The following TSBP1 variants were observed in gnomAD, a reference collection of about 807,000 sequenced individuals.
TSBP1 encodes the protein testis-expressed basic protein 1.
TSBP1 carries 56 observed loss-of-function variants against 68.8 expected under a neutral mutation model. That is an observed-to-expected ratio of 0.81 (90% CI 0.66 to 1.02). The LOEUF is 1.02. Among genes scored for constraint, TSBP1 ranks in the 50% least tolerant of loss-of-function variants. The pLI is 0.00. For missense variants in TSBP1, 502 were observed against 641.2 expected (o/e 0.78, Z 2.34); for synonymous variants, 171 against 208.7 (o/e 0.82, Z 1.56).
Position 32,340,237 on chromosome 6 carries a change from C to G in TSBP1, c.350-599G>C, listed in dbSNP as rs183411556. On this transcript the variant is annotated intron_variant, in intron 9 of 22. Coordinates refer to ENST00000612031, the Ensembl canonical transcript of TSBP1. The surrounding 1 kb of genome is among the most constrained non-coding windows in gnomAD (Gnocchi z 4.8). ...CTGTTGCTTCTGTCTTGAGAAATAA[C>G]CAATCATATTTTAAGATGTTGAAAA... 4.8e-4 allele frequency among the ~76,000 whole-genome samples: 73 copies of G among 152,190 alleles called. 3 individuals are homozygous for G. The East Asian group carries it at 9.6e-3, about 20-fold the overall frequency.
At chr6:32,358,928 A>G (rs1472252041) in intron 6 of TSBP1, among the ~76,000 whole-genome samples, 1 of 150,710 alleles carries the variant, frequency 6.6e-6, no homozygotes, top group Non-Finnish European at 1.5e-5. Context: ...TATTATTATT[A>G]TTATTATACT....
chr6:32,371,057 C>T (rs1272762534), intron 1 of TSBP1, among the ~76,000 whole-genome samples: 1 of 152,162 alleles, frequency 6.6e-6, no homozygotes, highest in Non-Finnish European at 1.5e-5. Context: ...CATTTGTCTA[C>T]TGAGTCTTCT....
chr6:32,310,762 T>TATATATATATATATA (rs1554188790), intron 19 of TSBP1, among the ~76,000 whole-genome samples: 64 of 95,438 alleles, frequency 6.7e-4, no homozygotes, highest in African/African-American at 2.2e-3. Flanking sequence ...TATATATATA[T>TATATATATATATATA]TTTTAATCTT....
At chr6:32,308,892 T>TA (rs999510554) in intron 19 of TSBP1, among the ~76,000 whole-genome samples, 2 of 151,976 alleles carry the variant, frequency 1.3e-5, no homozygotes, top group Non-Finnish European at 2.9e-5. Context: ...GCTTTAGGTC[T>TA]ACTCATTTTA....
Position 32,361,843 on chromosome 6 carries a change from C to G in TSBP1, c.217+4324G>C, listed in dbSNP as rs373667205. 6.6e-6 allele frequency among the ~76,000 whole-genome samples: 1 copy of G among 152,064 alleles called. No individual in the cohort carries two copies. Among genetic ancestry groups the G allele is most frequent in the South Asian group, 2.1e-4 (1 of 4,812 alleles). On this transcript the variant is annotated intron_variant, in intron 6 of 22. Transcript: ENST00000612031. The surrounding 1 kb of genome is among the most constrained non-coding windows in gnomAD (Gnocchi z 4.3). ...ATTACTGTGGTTTTAATGTCCTCTC[C>G]GAAACTCATGTTGAAACTTAATCCT...
intron 6 of TSBP1, among the ~76,000 whole-genome samples, chr6:32,362,816 A>G (rs1037332933): frequency 6.6e-6 from 1 of 152,216 alleles, no homozygotes; most frequent in Admixed American, 6.5e-5. Flanking sequence ...ATCTTTGTGT[A>G]TGGTATATGA....
At position 32,316,337 on chromosome 6, in the gene TSBP1, A is replaced by G; in HGVS notation, c.560-545T>C. 7.2e-7 allele frequency: 1 copy of G among 1,392,624 alleles called. No homozygotes were observed. Among genetic ancestry groups the G allele is most frequent in the South Asian group, 1.2e-5 (1 of 81,030 alleles). The allele number at this position is 1,392,624 out of a possible 1,614,324, so 86.3% of individuals were successfully genotyped here. Reference sequence around the variant, plus strand: ...TGGGAACCACAAATCACTTTGACAGAAGTGAAGTGAAGGGGACCAAAGAGA... The same window carrying G: ...TGGGAACCACAAATCACTTTGACAGGAGTGAAGTGAAGGGGACCAAAGAGA... On this transcript the variant is annotated intron_variant, in intron 18 of 22. Coordinates refer to ENST00000612031, the Ensembl canonical transcript of TSBP1. This position sits in a 1 kb window ranked among gnomAD's most constrained non-coding sequence, Gnocchi z 4.5.
Position 32,316,243 on chromosome 6 carries a change from T to G in TSBP1, c.560-451A>C. 1 of 602,018 alleles carries G rather than the reference T, an allele frequency of 1.7e-6. No individual in the cohort carries two copies. Among genetic ancestry groups the G allele is most frequent in the Non-Finnish European group, 2.9e-6 (1 of 343,120 alleles). The allele number at this position is 602,018 out of a possible 1,614,324, so 37.3% of individuals were successfully genotyped here. A position where few individuals can be genotyped will look rare whatever the true frequency, so the allele number is the denominator to read the frequency against. On this transcript the variant is annotated intron_variant, in intron 18 of 22. Transcript: ENST00000612031. This position sits in a 1 kb window ranked among gnomAD's most constrained non-coding sequence, Gnocchi z 4.5. ...TGATGAATCCTAGCTTAGTCCCTCT[T>G]TTAATTAGTGTTTAAAAAGATTCTC... is the stretch of plus-strand genomic sequence containing the variant.
intron 18 of TSBP1, 37 bp downstream of exon 19, chr6:32,323,080 T>C (rs766796957): frequency 9.2e-6 from 14 of 1,526,602 alleles, no homozygotes; most frequent in South Asian, 1.2e-5. Context: ...AAGGGGACCA[T>C]AGAGAACCAA....
intron 6 of TSBP1, chr6:32,356,816 C>T (rs1772400155): frequency 6.5e-6 from 1 of 154,316 alleles, no homozygotes; most frequent in South Asian, 2.0e-4. Flanking sequence ...ATATGCTGCA[C>T]TTGAAATTTG....
Position 32,335,830 on chromosome 6 carries a change from C to T in TSBP1, c.451+82G>A. The T allele has an allele frequency of 8.7e-7, 1 of 1,150,408 alleles. No individual in the cohort carries two copies. Among genetic ancestry groups the T allele is most frequent in the Non-Finnish European group, 1.3e-6 (1 of 771,722 alleles). 71.3% of individuals were successfully genotyped at this position (1,150,408 alleles called of 1,614,324 possible). ...TGTGAACTCCAAACCCTTGAAATCC[C>T]AACATGGAAACCAGGTAGCGATCCC... On this transcript the variant is annotated intron_variant, in intron 13 of 22. Transcript: ENST00000612031. This position sits in a 1 kb window ranked among gnomAD's most constrained non-coding sequence, Gnocchi z 5.5.
chr6:32,366,059 A>ATTT (rs1261572860), intron 6 of TSBP1, 108 bp downstream of exon 6: 4 of 991,308 alleles, frequency 4.0e-6, no homozygotes, highest in Non-Finnish European at 4.2e-6. Context: ...AACTACTTTG[A>ATTT]TTTCTTCTTC....
chr6:32,324,353 T>C, intron 16 of TSBP1: 2 of 502,122 alleles, frequency 4.0e-6, no homozygotes, highest in South Asian at 3.8e-5. Flanking sequence ...TTTTTCCCTT[T>C]TTAAGGTAGT....
intron 4 of TSBP1, among the ~76,000 whole-genome samples, chr6:32,367,419 GCA>G (rs897503703): frequency 3.3e-5 from 5 of 152,026 alleles, no homozygotes; most frequent in Admixed American, 1.3e-4. Flanking sequence ...AGTAGACAGC[GCA>G]TTGCCGTCTT....
intron 18 of TSBP1, among the ~76,000 whole-genome samples, chr6:32,319,962 G>A (rs2982540): frequency 0.014 from 2,109 of 151,806 alleles, 35 homozygotes; most frequent in Admixed American, 0.032. Context: ...GACTTGTTCA[G>A]TGCTGTTAGG....
intron 19 of TSBP1, among the ~76,000 whole-genome samples, chr6:32,310,762 T>TATA (rs1554188790): frequency 1.0e-5 from 1 of 95,450 alleles, no homozygotes. Flanking sequence ...TATATATATA[T>TATA]TTTTAATCTT....
Position 32,315,628 on chromosome 6 carries a change from C to G in TSBP1, c.580+144G>C. 1 of 528,434 alleles carries G rather than the reference C, an allele frequency of 1.9e-6. No homozygotes were observed. Among genetic ancestry groups the G allele is most frequent in the Non-Finnish European group, 3.3e-6 (1 of 302,644 alleles). 32.7% of individuals were successfully genotyped at this position (528,434 alleles called of 1,614,324 possible). On this transcript the variant is annotated intron_variant, in intron 19 of 22. Coordinates refer to ENST00000612031, the Ensembl canonical transcript of TSBP1. This position sits in a 1 kb window ranked among gnomAD's most constrained non-coding sequence, Gnocchi z 5.4. ...TACAGTTATGAATCAAAAAGTTTGT[C>G]TTGCAGTCCTAATCTGGAGGACTTT...
At chr6:32,344,496 C>T (rs1409605162) in intron 9 of TSBP1, among the ~76,000 whole-genome samples, 1 of 151,860 alleles carries the variant, frequency 6.6e-6, no homozygotes, top group Non-Finnish European at 1.5e-5. Context: ...GACAAACAAG[C>T]GTTTATGGTA....
At position 32,338,783 on chromosome 6, in the gene TSBP1, G is replaced by A. The variant is rs966536485; in HGVS notation, c.409+196C>T. 6.6e-6 allele frequency among the ~76,000 whole-genome samples: 1 copy of A among 151,966 alleles called. No homozygotes were observed. The highest frequency in any genetic ancestry group is 2.4e-5 in the African/African-American group (1 of 41,346). The stretch of plus-strand genomic sequence containing the variant: ...CTTTGCTGTTGAATCTCAAGATTTC[G>A]GAAAAGTTAAAGGCAATAGTACTTT... On this transcript the variant is annotated intron_variant, in intron 11 of 22. Transcript: ENST00000612031. This position sits in a 1 kb window ranked among gnomAD's most constrained non-coding sequence, Gnocchi z 5.5.
Sources: gnomAD v4.1 joint callset for allele counts (sites outside exome capture counted in the v4.1 genomes callset) on GRCh38, gnomAD v4.1.1 for gene constraint, Gnocchi (gnomAD v3.1) non-coding constraint, MANE v1.5 for transcripts, NCBI Gene and HGNC (gene_info 2026-07-23, HGNC 2026-07-21) for gene names.